Variants in RIPOR3 observed in about 807,000 individuals in gnomAD.
RIPOR3 encodes the protein family with sequence similarity 65 member C.
In RIPOR3, 95 loss-of-function variants were observed where a neutral mutation model predicts 114.3. The ratio of observed to expected loss-of-function variants is 0.83; its 90% CI spans 0.70 to 0.99. The LOEUF is 0.99. Ranked by LOEUF, RIPOR3 falls within the 50% of genes least tolerant of loss-of-function variation. RIPOR3 has a pLI of 0.00. For missense variants in RIPOR3, 1,252 were observed against 1,266.9 expected, an observed-to-expected ratio of 0.99 and a Z score of 0.18; for synonymous variants, 575 against 543.8, an observed-to-expected ratio of 1.06 and a Z score of -0.80.
intron 1 of RIPOR3, among the ~76,000 whole-genome samples, chr20:50,643,008 A>G (rs2085261382): frequency 6.6e-6 from 1 of 151,736 alleles, no homozygotes; most frequent in African/African-American, 2.4e-5. Context: ...AGATTGCACC[A>G]TTGCACTCCA....
intron 11 of RIPOR3, among the ~76,000 whole-genome samples, chr20:50,605,787 AG>A (rs1327791679): frequency 3.3e-5 from 5 of 150,304 alleles, no homozygotes; most frequent in African/African-American, 1.2e-4. Flanking sequence ...TCAAAAAAAA[AG>A]AAAAAAAAAA....
rs2083734042 is a variant in RIPOR3, at chr20:50,606,740, CTTT to C, written c.956+1646_956+1648del. Among the ~76,000 whole-genome samples the C allele has an allele frequency of 3.7e-5, 5 of 135,664 alleles. No individual in the cohort carries two copies. In the South Asian group the frequency reaches 1.2e-3, roughly 33 times the overall value. 89.0% of individuals were successfully genotyped at this position (135,664 alleles called of 152,430 possible). A position where few individuals can be genotyped will look rare whatever the true frequency, so the allele number is the denominator to read the frequency against. ...GTGCTTTCTTGCCTTTTTTTTTTTTCTTTTTCTCTGAGACTGTCTTGCTCTGTC... is the reference window on the plus strand; with the variant it reads ...GTGCTTTCTTGCCTTTTTTTTTTTTCTTCTCTGAGACTGTCTTGCTCTGTC... On this transcript the variant is annotated intron_variant, in intron 11 of 21. Coordinates refer to ENST00000327979, the MANE Select transcript of RIPOR3 (RefSeq NM_001290268.2).
intron 1 of RIPOR3, among the ~76,000 whole-genome samples, chr20:50,661,769 G>A (rs752665125): frequency 1.3e-5 from 2 of 152,178 alleles, no homozygotes; most frequent in Non-Finnish European, 2.9e-5. Context: ...GAGAGAAGGG[G>A]AAGCTGGCCT....
rs1220892871 is a variant in RIPOR3 at position 50,587,072 on chromosome 20, G to T, written c.*160C>A. The T allele has an allele frequency of 6.4e-6, 4 of 622,990 alleles. No individual in the cohort carries two copies. Among genetic ancestry groups the T allele is most frequent in the Non-Finnish European group, 1.1e-5 (4 of 350,364 alleles). The allele number at this position is 622,990 out of a possible 1,614,324, so 38.6% of individuals were successfully genotyped here. On this transcript the variant is annotated 3_prime_UTR_variant, in exon 22 of 22. Coordinates refer to ENST00000327979, the MANE Select transcript of RIPOR3 (RefSeq NM_001290268.2). ...GCCTCTGTACAAAAGACCAGCCCAT[G>T]CCCTGGGGCTGGGTCAATGGCCGGA...
chr20:50,637,855 A>AT (rs1193274171), intron 1 of RIPOR3, among the ~76,000 whole-genome samples: 16 of 152,182 alleles, frequency 1.1e-4, no homozygotes, highest in Non-Finnish European at 2.2e-4. Flanking sequence ...AGCCTGGGTG[A>AT]TAAAGCAAGA....
intron 1 of RIPOR3, among the ~76,000 whole-genome samples, chr20:50,669,168 C>A (rs1455970664): frequency 3.3e-5 from 5 of 152,214 alleles, no homozygotes; most frequent in African/African-American, 9.7e-5. Flanking sequence ...TGCATGCTCA[C>A]ACATGCACAT....
intron 4 of RIPOR3, among the ~76,000 whole-genome samples, chr20:50,613,181 C>T (rs1029135362): frequency 6.6e-6 from 1 of 152,088 alleles, no homozygotes; most frequent in Non-Finnish European, 1.5e-5. Flanking sequence ...GGTGTGGTGG[C>T]TCATGCCTAT....
intron 1 of RIPOR3, among the ~76,000 whole-genome samples, chr20:50,687,566 T>G (rs2087071096): frequency 6.6e-6 from 1 of 152,164 alleles, no homozygotes; most frequent in Non-Finnish European, 1.5e-5. Flanking sequence ...AGTACATATA[T>G]TTGCATATCC....
At chr20:50,613,455 A>G (rs2084044290) in intron 4 of RIPOR3, among the ~76,000 whole-genome samples, 2 of 151,992 alleles carry the variant, frequency 1.3e-5, no homozygotes, top group South Asian at 4.2e-4. Flanking sequence ...TCCATCCCGA[A>G]AAAAAAGAAA....
At chr20:50,669,303 C>T (rs2086377587) in intron 1 of RIPOR3, among the ~76,000 whole-genome samples, 2 of 152,194 alleles carry the variant, frequency 1.3e-5, no homozygotes, top group Admixed American at 6.5e-5. Context: ...ACCCTCATTA[C>T]TCATAGGCTT....
chr20:50,606,242 G>A (rs113913459), intron 11 of RIPOR3, among the ~76,000 whole-genome samples: 2,598 of 152,242 alleles, frequency 0.017, 72 homozygotes, highest in African/African-American at 0.057. Context: ...GACTCTGACC[G>A]CCCTGAGGGC....
chr20:50,611,150 A>G (rs747163002), intron 5 of RIPOR3, 31 bp downstream of exon 5: 1 of 1,614,202 alleles, frequency 6.2e-7, no homozygotes, highest in East Asian at 2.2e-5. Context: ...AGCCAGGCCC[A>G]GCCCACCTCA....
At chr20:50,590,730 T>A (rs775350905) in intron 19 of RIPOR3, among the ~76,000 whole-genome samples, 1 of 151,956 alleles carries the variant, frequency 6.6e-6, no homozygotes, top group Non-Finnish European at 1.5e-5. Context: ...AGCACCCTCA[T>A]CTGAGGCCAA....
intron 20 of RIPOR3, 79 bp from the exon 21 acceptor site, chr20:50,587,971 G>A (rs949321474): frequency 2.9e-6 from 4 of 1,379,036 alleles, no homozygotes; most frequent in Non-Finnish European, 4.1e-6. Flanking sequence ...GGCCCTGCAG[G>A]GCCAGTCCTA....
intron 1 of RIPOR3, among the ~76,000 whole-genome samples, chr20:50,666,790 G>A (rs946372484): frequency 7.3e-5 from 11 of 150,576 alleles, no homozygotes; most frequent in Non-Finnish European, 1.3e-4. Flanking sequence ...CTAACTCCTG[G>A]CCTCAAGTGA....
At chr20:50,613,070 G>T (rs2084030267) in intron 4 of RIPOR3, among the ~76,000 whole-genome samples, 1 of 152,178 alleles carries the variant, frequency 6.6e-6, no homozygotes, top group African/African-American at 2.4e-5. Flanking sequence ...TTCACCCTGG[G>T]TGACAGAGTA....
chr20:50,638,198 C>T (rs231564), intron 1 of RIPOR3, among the ~76,000 whole-genome samples: 3,334 of 152,206 alleles, frequency 0.022, 55 homozygotes, highest in South Asian at 0.031. Context: ...AGCGGCCTGA[C>T]GGATAGACAC....
intron 1 of RIPOR3, among the ~76,000 whole-genome samples, chr20:50,670,982 C>T (rs565656258): frequency 2.2e-4 from 33 of 152,184 alleles, no homozygotes; most frequent in African/African-American, 7.9e-4. Flanking sequence ...GGCTGGAGTG[C>T]AGTGGTGTGA....
In RIPOR3 at chr20:50,646,131, T is replaced by G. The variant is rs547473922; in HGVS notation, c.4-15275A>C. 3.3e-5 allele frequency among the ~76,000 whole-genome samples: 5 copies of G among 151,604 alleles called. No individual in the cohort carries two copies. In the East Asian group the frequency reaches 7.8e-4, roughly 24 times the overall value. On this transcript the variant is annotated intron_variant, in intron 1 of 21. Transcript: ENST00000327979. ...TGAGCAACTTCATGTATTTATGTAT[T>G]TATTTATTTATTTATAGACAGGTTC...
Sources: gnomAD v4.1 joint callset for allele counts (sites outside exome capture counted in the v4.1 genomes callset) on GRCh38, gnomAD v4.1.1 for gene constraint, MANE v1.5 for transcripts, NCBI Gene and HGNC (gene_info 2026-07-23, HGNC 2026-07-21) for gene names.